ZNF385D: variants seen among roughly 807,000 people sequenced by gnomAD.
The protein encoded by ZNF385D is zinc finger protein 385D.
In ZNF385D, 15 loss-of-function variants were observed where a neutral mutation model predicts 35.8. The observed-to-expected ratio is 0.42, with a 90% CI of 0.28 to 0.64. The LOEUF (loss-of-function observed/expected upper bound fraction) is 0.64. ZNF385D is among the 30% of genes least tolerant of loss of function. The pLI is 0.23. For missense variants in ZNF385D, 474 were observed against 494.6 expected (o/e 0.96, Z 0.39); for synonymous variants, 212 against 186.8 (o/e 1.13, Z -1.10).
At chr3:21,642,102 C>A (rs1352548698) in intron 2 of ZNF385D, among the ~76,000 whole-genome samples, 1 of 152,092 alleles carries the variant, frequency 6.6e-6, no homozygotes, top group African/African-American at 2.4e-5. Context: ...GATTTTCACA[C>A]CCTATGCAAA....
At chr3:22,346,772 C>T (rs181560136) in intron 2 of ZNF385D, among the ~76,000 whole-genome samples, 1 of 152,160 alleles carries the variant, frequency 6.6e-6, no homozygotes, top group South Asian at 2.1e-4. Context: ...TTATACTAAT[C>T]ATGAAAATAC....
chr3:21,886,358 A>AATGGAGTAAAC (rs6147729), intron 3 of ZNF385D, among the ~76,000 whole-genome samples: 1 of 151,056 alleles, frequency 6.6e-6, no homozygotes, highest in South Asian at 2.1e-4. Flanking sequence ...GGCTGTGATT[A>AATGGAGTAAAC]ATGAGGAAGA....
intron 4 of ZNF385D, among the ~76,000 whole-genome samples, chr3:21,500,511 A>C (rs1426029045): frequency 6.6e-6 from 1 of 152,188 alleles, no homozygotes; most frequent in Non-Finnish European, 1.5e-5. Context: ...AAGAATATGA[A>C]TGGATTTGTT....
At chr3:21,898,586 T>C (rs1455127976) in intron 3 of ZNF385D, among the ~76,000 whole-genome samples, 3 of 152,094 alleles carry the variant, frequency 2.0e-5, no homozygotes, top group Non-Finnish European at 1.5e-5. Context: ...TTACCAGAAG[T>C]TGTAAATGCA....
chr3:21,986,589 C>G (rs1164876542), intron 3 of ZNF385D, among the ~76,000 whole-genome samples: 1 of 148,660 alleles, frequency 6.7e-6, no homozygotes, highest in Non-Finnish European at 1.5e-5. Flanking sequence ...TACTTCCAAC[C>G]ATGTGGTCAA....
intron 3 of ZNF385D, among the ~76,000 whole-genome samples, chr3:22,082,189 A>C (rs1186651756): frequency 2.0e-5 from 3 of 152,036 alleles, no homozygotes; most frequent in East Asian, 3.9e-4. Flanking sequence ...GGTTTATCTC[A>C]CTGGGACAGG....
chr3:21,876,597 C>T (rs944470074), intron 3 of ZNF385D, among the ~76,000 whole-genome samples: 5 of 151,984 alleles, frequency 3.3e-5, no homozygotes, highest in Admixed American at 1.3e-4. Flanking sequence ...ATGCCTTGTG[C>T]TCAGTGCTGG....
At chr3:22,095,478 A>G (rs544782894) in intron 3 of ZNF385D, among the ~76,000 whole-genome samples, 52 of 152,036 alleles carry the variant, frequency 3.4e-4, no homozygotes, top group East Asian at 1.9e-3. Context: ...TCCCATTTCT[A>G]TGGGACAATG....
intron 3 of ZNF385D, among the ~76,000 whole-genome samples, chr3:21,987,694 T>G (rs1694888910): frequency 6.9e-6 from 1 of 145,522 alleles, no homozygotes; most frequent in Non-Finnish European, 1.5e-5. Context: ...TCTCTGTATT[T>G]CCTGAATCTG....
intron 3 of ZNF385D, among the ~76,000 whole-genome samples, chr3:22,071,150 T>G (rs921363184): frequency 6.6e-6 from 1 of 152,160 alleles, no homozygotes; most frequent in Admixed American, 6.5e-5. Context: ...CAATAAAGAA[T>G]GCATATGTTT....
At chr3:22,360,246 G>T (rs1192416725) in intron 2 of ZNF385D, among the ~76,000 whole-genome samples, 1 of 151,946 alleles carries the variant, frequency 6.6e-6, no homozygotes, top group Admixed American at 6.6e-5. Context: ...TAAAACGTGT[G>T]CCTGGTACTT....
At chr3:22,068,931 G>C (rs1238693420) in intron 3 of ZNF385D, among the ~76,000 whole-genome samples, 1 of 152,150 alleles carries the variant, frequency 6.6e-6, no homozygotes, top group African/African-American at 2.4e-5. Flanking sequence ...CTCAGGATTG[G>C]TACAGACACT....
chr3:21,723,563 G>C (rs1248716043), intron 1 of ZNF385D, among the ~76,000 whole-genome samples: 1 of 152,160 alleles, frequency 6.6e-6, no homozygotes, highest in Non-Finnish European at 1.5e-5. Flanking sequence ...AGAGATTGAA[G>C]ATCGATTTAA....
At chr3:22,012,205 G>A (rs1401700916) in intron 3 of ZNF385D, among the ~76,000 whole-genome samples, 2 of 152,094 alleles carry the variant, frequency 1.3e-5, no homozygotes, top group African/African-American at 4.8e-5. Context: ...GAGGATATAT[G>A]ACACACCTCT....
At chr3:22,342,276 CAAAA>C (rs766689054) in intron 2 of ZNF385D, among the ~76,000 whole-genome samples, 30 of 53,528 alleles carry the variant, frequency 5.6e-4, no homozygotes, top group African/African-American at 1.6e-3. Context: ...GACTCCGCCT[CAAAA>C]AAAAAAAAAA....
intron 3 of ZNF385D, among the ~76,000 whole-genome samples, chr3:22,110,415 T>G (rs1239574005): frequency 6.6e-6 from 1 of 151,950 alleles, no homozygotes; most frequent in Non-Finnish European, 1.5e-5. Context: ...TAGACTGGAT[T>G]AAGAAAATGT....
intron 2 of ZNF385D, among the ~76,000 whole-genome samples, chr3:22,329,076 CAAAAA>C (rs776193960): frequency 3.1e-4 from 23 of 74,898 alleles, no homozygotes; most frequent in African/African-American, 1.0e-3. Context: ...GACTCCGTCT[CAAAAA>C]AAAAAAAAAA....
chr3:22,308,471 C>T (rs1241797030), intron 2 of ZNF385D, among the ~76,000 whole-genome samples: 1 of 151,292 alleles, frequency 6.6e-6, no homozygotes, highest in African/African-American at 2.4e-5. Context: ...GAGAGAAAGA[C>T]AGAGAGAAGG....
intron 3 of ZNF385D, among the ~76,000 whole-genome samples, chr3:22,160,761 C>T (rs984783672): frequency 6.6e-6 from 1 of 151,958 alleles, no homozygotes; most frequent in Non-Finnish European, 1.5e-5. Context: ...AGTTTCAGCC[C>T]AATAAAAATA....
Sources: gnomAD v4.1 joint callset for allele counts (sites outside exome capture counted in the v4.1 genomes callset) on GRCh38, gnomAD v4.1.1 for gene constraint, MANE v1.5 for transcripts, NCBI Gene and HGNC (gene_info 2026-07-23, HGNC 2026-07-21) for gene names.